Variants in C14orf39 observed in about 807,000 individuals in gnomAD.
C14orf39 encodes the protein chromosome 14 open reading frame 39.
In C14orf39, 66 loss-of-function variants were observed where a neutral mutation model predicts 85.6. That is an observed-to-expected ratio of 0.77 (90% confidence interval 0.63 to 0.95). The LOEUF (loss-of-function observed/expected upper bound fraction) is 0.95, where lower values mean the gene tolerates loss of function less well. Among genes scored for constraint, C14orf39 ranks in the 40% least tolerant of loss-of-function variants. The pLI is 0.00. For missense variants in C14orf39, 735 were observed against 663.9 expected, an observed-to-expected ratio of 1.11 and a Z score of -1.18; for synonymous variants, 242 against 214.0, an observed-to-expected ratio of 1.13 and a Z score of -1.14.
rs761749345 is a variant in C14orf39 at position 60,461,550 on chromosome 14, T to C, written c.1016A>G (p.His339Arg). ...SAVDNHSKCSHITTITSSQKF... is the reference protein window; with the variant it reads ...SAVDNHSKCSRITTITSSQKF... Reference sequence around the variant, plus strand: ...TTGTGAACTTGTGATAGTCGTAATATGTGAACATTTTGAATGGTTATCCAC... The same window carrying C: ...TTGTGAACTTGTGATAGTCGTAATACGTGAACATTTTGAATGGTTATCCAC... The change falls in exon 12 of 18, where the codon CAT (histidine) becomes CGT (arginine). Residue 339 changes from histidine (H) to arginine (R), a missense_variant. Transcript: ENST00000321731. 2.0e-5 allele frequency: 32 copies of C among 1,586,686 alleles called. No individual in the cohort carries two copies. In the South Asian group the frequency reaches 2.7e-4, roughly 13 times the overall value.
At position 60,485,049 on chromosome 14, in the gene C14orf39, G is replaced by A. The variant is rs774635310; in HGVS notation, c.30C>T (p.Asp10=). The change falls in exon 2 of 18, where the codon GAC becomes GAT. Residue 10 remains aspartate (D), a synonymous_variant. Coordinates refer to ENST00000321731, the MANE Select transcript of C14orf39 (RefSeq NM_174978.3). ...ACCTACCAAATTCTAGCAAAAGTCT[G>A]TCCAAACTGACAAACAGGCTGTCAT... is the stretch of plus-strand genomic sequence containing the variant. MNDSLFVSL[D]RLLLEFVFQY... is the part of the protein sequence containing the mutation. 1.6e-5 allele frequency: 25 copies of A among 1,609,074 alleles called. No individual in the cohort carries two copies. The highest frequency in any genetic ancestry group is 2.0e-5 in the Non-Finnish European group (24 of 1,179,012).
intron 15 of C14orf39, among the ~76,000 whole-genome samples, chr14:60,456,628 G>A (rs1246532318): frequency 2.0e-5 from 3 of 151,914 alleles, no homozygotes; most frequent in Admixed American, 1.3e-4. Context: ...TTATAAGTAC[G>A]TGGGATTTAT....
chr14:60,506,028 C>G (rs1893199125), intron 1 of C14orf39, among the ~76,000 whole-genome samples: 1 of 152,188 alleles, frequency 6.6e-6, no homozygotes. Flanking sequence ...AGCTACAAAA[C>G]CAGCCCTTGG....
chr14:60,442,021 C>G, intron 17 of C14orf39, 53 bp downstream of exon 17: 8 of 1,232,816 alleles, frequency 6.5e-6, no homozygotes, highest in Non-Finnish European at 9.4e-6. Flanking sequence ...AAACTAAATA[C>G]TGTACTAATG....
In C14orf39 at chr14:60,436,678, A is replaced by C. The variant is rs1458894656; in HGVS notation, c.*167T>G. 3.9e-6 allele frequency: 2 copies of C among 511,576 alleles called. No homozygotes were observed. Among genetic ancestry groups the C allele is most frequent in the Non-Finnish European group, 6.6e-6 (2 of 303,134 alleles). 31.7% of individuals were successfully genotyped at this position (511,576 alleles called of 1,614,324 possible). A position where few individuals can be genotyped will look rare whatever the true frequency, so the allele number is the denominator to read the frequency against. On this transcript the variant is annotated 3_prime_UTR_variant, in exon 18 of 18. Transcript: ENST00000321731. ...ATGATTAGTTAATAGCACACACAAAACCCAAAATATTCAGTATTTCAATAT... is the reference window on the plus strand; with the variant it reads ...ATGATTAGTTAATAGCACACACAAACCCCAAAATATTCAGTATTTCAATAT...
At chr14:60,480,467 G>T (rs1355901164) in intron 4 of C14orf39, among the ~76,000 whole-genome samples, 2 of 152,106 alleles carry the variant, frequency 1.3e-5, no homozygotes, top group African/African-American at 4.8e-5. Flanking sequence ...GTGTTGGGGA[G>T]GATGTGGAGA....
At chr14:60,474,349 G>A (rs1417954152) in intron 5 of C14orf39, among the ~76,000 whole-genome samples, 1 of 149,918 alleles carries the variant, frequency 6.7e-6, no homozygotes, top group East Asian at 2.0e-4. Flanking sequence ...TCTGCAAACA[G>A]GGACAATTTG....
chr14:60,491,643 T>G lies in C14orf39; in HGVS notation c.-8-6557A>C, dbSNP rs1286647806. On this transcript the variant is annotated intron_variant, in intron 2 of 5. Transcript: ENST00000556799. This position sits in a 1 kb window ranked among gnomAD's most constrained non-coding sequence, Gnocchi z 4.5. ...CTACCAATTTTTCCTCTTAAATATC[T>G]TCCATCCATTTTTCTCTATTTCAGC... Among the ~76,000 whole-genome samples, 1 of 152,154 alleles carries G rather than the reference T, an allele frequency of 6.6e-6. No individual in the cohort carries two copies. The highest frequency in any genetic ancestry group is 2.4e-5 in the African/African-American group (1 of 41,424).
chr14:60,458,354 T>C (rs1455406301), intron 14 of C14orf39, among the ~76,000 whole-genome samples: 2 of 151,968 alleles, frequency 1.3e-5, no homozygotes, highest in African/African-American at 4.8e-5. Context: ...CTCCCACATA[T>C]GAGTGAGAAG....
chr14:60,450,109 C>G (rs1446244504), intron 16 of C14orf39, among the ~76,000 whole-genome samples: 1 of 152,166 alleles, frequency 6.6e-6, no homozygotes, highest in Non-Finnish European at 1.5e-5. Flanking sequence ...GCTATGGTGG[C>G]TATGGTAAAA....
intron 17 of C14orf39, 94 bp from the exon 18 acceptor site, chr14:60,437,141 G>T: frequency 1.3e-6 from 1 of 791,772 alleles, no homozygotes; most frequent in Non-Finnish European, 2.0e-6. Flanking sequence ...CAATAAATAT[G>T]GTAACACTGA....
chr14:60,495,830 TC>T (rs1484667482), intron 2 of C14orf39: 2 of 297,960 alleles, frequency 6.7e-6, no homozygotes, highest in South Asian at 6.8e-5. Flanking sequence ...CTTGAGGTGT[TC>T]CATGGCTTCC....
chr14:60,460,585 T>C (rs1051128344), intron 13 of C14orf39, among the ~76,000 whole-genome samples: 15 of 151,860 alleles, frequency 9.9e-5, no homozygotes, highest in African/African-American at 3.4e-4. Context: ...TTATGCATTA[T>C]TAGTTTACCA....
intron 14 of C14orf39, among the ~76,000 whole-genome samples, chr14:60,458,470 G>A (rs548614593): frequency 4.6e-5 from 7 of 151,814 alleles, no homozygotes; most frequent in East Asian, 1.9e-4. Flanking sequence ...TTTTATGGCC[G>A]AATAATATAT....
At chr14:60,448,575 T>C (rs1400471848) in intron 16 of C14orf39, among the ~76,000 whole-genome samples, 2 of 152,138 alleles carry the variant, frequency 1.3e-5, no homozygotes, top group African/African-American at 2.4e-5. Flanking sequence ...ACTTTTACAG[T>C]GTTCGTGGGA....
intron 16 of C14orf39, among the ~76,000 whole-genome samples, chr14:60,443,697 A>T (rs1245519334): frequency 6.6e-6 from 1 of 152,210 alleles, no homozygotes; most frequent in Non-Finnish European, 1.5e-5. Context: ...ATTCAAGCTC[A>T]GAGAATGGAC....
At chr14:60,499,120 G>A (rs961781703) in intron 2 of C14orf39, among the ~76,000 whole-genome samples, 1 of 152,044 alleles carries the variant, frequency 6.6e-6, no homozygotes, top group Admixed American at 6.6e-5. Context: ...GCTGGGCATG[G>A]TGGTGGGCGC....
chr14:60,452,899 T>A (rs1230891386), intron 16 of C14orf39, among the ~76,000 whole-genome samples: 1 of 152,178 alleles, frequency 6.6e-6, no homozygotes, highest in Non-Finnish European at 1.5e-5. Context: ...GAGTTCTAAT[T>A]TAATTCTGCT....
intron 16 of C14orf39, among the ~76,000 whole-genome samples, chr14:60,445,066 G>T (rs1387551200): frequency 6.6e-6 from 1 of 152,208 alleles, no homozygotes; most frequent in Admixed American, 6.5e-5. Flanking sequence ...CTCCTGAAGG[G>T]AACACTAAAC....
Sources: allele counts gnomAD v4.1 joint callset (sites outside exome capture counted in the v4.1 genomes callset), GRCh38; gene constraint gnomAD v4.1.1; non-coding constraint Gnocchi (gnomAD v3.1); transcripts MANE v1.5; gene names NCBI Gene and HGNC (gene_info 2026-07-23, HGNC 2026-07-21).